The following REV1 variants were observed in gnomAD, a reference collection of about 807,000 sequenced individuals.
The protein encoded by REV1 is REV1 DNA directed polymerase.
Under a neutral mutation model 137.4 loss-of-function variants are expected in REV1, and 42 were observed. That is an observed-to-expected ratio of 0.31 (90% CI 0.24 to 0.40). REV1 has a LOEUF of 0.40. Among genes scored for constraint, REV1 ranks in the 10% least tolerant of loss-of-function variants. The probability of loss-of-function intolerance (pLI) is 1.00; values close to 1 mark genes in which losing one functional copy is unlikely to be tolerated. For synonymous variants in REV1, 524 were observed against 519.2 expected (o/e 1.01, Z -0.12); for missense variants, 1,282 against 1,490.1 (o/e 0.86, Z 2.30).
chr2:99,451,374 T>C lies in REV1; in HGVS notation c.182-1870A>G, dbSNP rs1452726327. 8 of 1,288,888 alleles carry C rather than the reference T, an allele frequency of 6.2e-6. No individual in the cohort carries two copies. The East Asian group carries it at 3.9e-4, about 63-fold the overall frequency. The allele number at this position is 1,288,888 out of a possible 1,614,324, so 79.8% of individuals were successfully genotyped here. On this transcript the variant is annotated intron_variant, in intron 3 of 22. Transcript: ENST00000258428. ...CTACTAGCTGCTCTTTGAAAACTAA[T>C]TACTCCAGAAATTTGGAACTGGAAA...
intron 12 of REV1, among the ~76,000 whole-genome samples, chr2:99,416,222 T>C (rs1211934110): frequency 6.6e-6 from 1 of 152,250 alleles, no homozygotes; most frequent in African/African-American, 2.4e-5. Flanking sequence ...GTACTGTATA[T>C]TTATCACCAA....
chr2:99,409,617 G>A (rs886813720), intron 14 of REV1, among the ~76,000 whole-genome samples: 2 of 152,050 alleles, frequency 1.3e-5, no homozygotes, highest in East Asian at 1.9e-4. Context: ...GCTGCGGTGG[G>A]CGGATCATTT....
chr2:99,444,484 T>C lies in REV1; in HGVS notation c.351-2015A>G, dbSNP rs573633263. Among the ~76,000 whole-genome samples the C allele has an allele frequency of 2.0e-5, 3 of 152,346 alleles. No individual in the cohort carries two copies. The East Asian group carries it at 5.8e-4, about 29-fold the overall frequency. The stretch of plus-strand genomic sequence containing the variant: ...GATCATATACAAGGGTGTCAGGCCT[T>C]ATCCAGCTCCTAACAAGAGCCATGT... On this transcript the variant is annotated intron_variant, in intron 4 of 22. Transcript: ENST00000258428.
intron 10 of REV1, among the ~76,000 whole-genome samples, chr2:99,422,397 A>G (rs1158382506): frequency 6.6e-6 from 1 of 152,202 alleles, no homozygotes; most frequent in Non-Finnish European, 1.5e-5. Context: ...CTTTCCCAAG[A>G]GGCCTCAGGA....
At chr2:99,450,279 T>TC (rs1488993930) in intron 3 of REV1, among the ~76,000 whole-genome samples, 1 of 152,118 alleles carries the variant, frequency 6.6e-6, no homozygotes, top group African/African-American at 2.4e-5. Flanking sequence ...GACTTATGCT[T>TC]CCCCCTAAGA....
chr2:99,438,451 C>G, intron 6 of REV1, 150 bp downstream of exon 6: 1 of 591,778 alleles, frequency 1.7e-6, no homozygotes. Context: ...AATTAGCTTT[C>G]TATGTTATGC....
intron 4 of REV1, among the ~76,000 whole-genome samples, chr2:99,448,334 A>G (rs1682489189): frequency 6.6e-6 from 1 of 152,188 alleles, no homozygotes. Context: ...TAAATCAGTA[A>G]TTGCTCATAT....
intron 1 of REV1, among the ~76,000 whole-genome samples, chr2:99,478,057 A>C (rs772153977): frequency 8.5e-5 from 13 of 152,132 alleles, no homozygotes; most frequent in Non-Finnish European, 1.3e-4. Context: ...AAATGGCAAA[A>C]TCCCATCTTT....
intron 3 of REV1, among the ~76,000 whole-genome samples, 174 bp from the exon 4 acceptor site, chr2:99,449,678 CT>C (rs11351549): frequency 0.6 from 91,691 of 151,968 alleles, 28,326 homozygotes; most frequent in African/African-American, 0.7. Flanking sequence ...AGCTATGTTG[CT>C]TTTAGTACAT....
chr2:99,489,216 C>A (rs367786277), intron 1 of REV1, among the ~76,000 whole-genome samples: 1 of 152,288 alleles, frequency 6.6e-6, no homozygotes, highest in African/African-American at 2.4e-5. Flanking sequence ...CAAGGAAAAA[C>A]AAGGGAGCAA....
chr2:99,446,728 C>CAA (rs1282368902), intron 4 of REV1, among the ~76,000 whole-genome samples: 1 of 152,086 alleles, frequency 6.6e-6, no homozygotes, highest in Non-Finnish European at 1.5e-5. Flanking sequence ...CTCCTGACCT[C>CAA]GTGATCCACC....
At chr2:99,414,104 A>G (rs1338152383) in intron 12 of REV1, among the ~76,000 whole-genome samples, 1 of 152,198 alleles carries the variant, frequency 6.6e-6, no homozygotes, top group Admixed American at 6.6e-5. Flanking sequence ...GTAGTAAGCT[A>G]TGAACCTGCC....
At chr2:99,407,080 CTTTTTT>C (rs869170472) in intron 15 of REV1, among the ~76,000 whole-genome samples, 41 of 60,040 alleles carry the variant, frequency 6.8e-4, no homozygotes, top group South Asian at 2.3e-3. Context: ...TACAAAGGTT[CTTTTTT>C]TTTTTTTTTT....
At chr2:99,420,021 T>C (rs548732222) in intron 11 of REV1, among the ~76,000 whole-genome samples, 1 of 152,260 alleles carries the variant, frequency 6.6e-6, no homozygotes, top group African/African-American at 2.4e-5. Flanking sequence ...TTACATATGC[T>C]TGAACTTAAA....
intron 9 of REV1, chr2:99,424,800 T>G: frequency 7.7e-7 from 1 of 1,304,228 alleles, no homozygotes; most frequent in Non-Finnish European, 1.0e-6. Context: ...ACCAATTCCA[T>G]GCTCCTGAAG....
At chr2:99,482,041 C>T (rs1417586932) in intron 1 of REV1, among the ~76,000 whole-genome samples, 1 of 152,124 alleles carries the variant, frequency 6.6e-6, no homozygotes, top group African/African-American at 2.4e-5. Flanking sequence ...CAGGATGGGG[C>T]CTGGCCATGC....
intron 1 of REV1, among the ~76,000 whole-genome samples, chr2:99,466,597 T>C (rs1291649239): frequency 6.6e-6 from 1 of 152,216 alleles, no homozygotes; most frequent in Non-Finnish European, 1.5e-5. Context: ...GATTTGGTTT[T>C]TGTTTGTTGA....
intron 3 of REV1, among the ~76,000 whole-genome samples, chr2:99,454,548 C>T (rs1296507090): frequency 4.4e-5 from 2 of 45,184 alleles, no homozygotes; most frequent in African/African-American, 2.2e-4. Context: ...GAAACTCCAG[C>T]TCAAAAAAAA....
intron 12 of REV1, among the ~76,000 whole-genome samples, chr2:99,414,629 CTT>C (rs1212397197): frequency 6.6e-6 from 1 of 150,502 alleles, no homozygotes; most frequent in Non-Finnish European, 1.5e-5. Context: ...TTAAGAAAGA[CTT>C]TTTTCTTCAA....
Sources: allele counts gnomAD v4.1 joint callset (sites outside exome capture counted in the v4.1 genomes callset), GRCh38; gene constraint gnomAD v4.1.1; transcripts MANE v1.5; gene names NCBI Gene and HGNC (gene_info 2026-07-23, HGNC 2026-07-21).